CNTN4: variants seen among roughly 807,000 people sequenced by gnomAD.
CNTN4 encodes contactin 4, also known as contactin-4.
Under a neutral mutation model 122.5 loss-of-function variants are expected in CNTN4, and 77 were observed. That is an observed-to-expected ratio of 0.63 (90% confidence interval 0.52 to 0.76). The LOEUF (loss-of-function observed/expected upper bound fraction) is 0.76, where lower values mean the gene tolerates loss of function less well. Among genes scored for constraint, CNTN4 ranks in the 30% least tolerant of loss-of-function variants. The pLI is 0.00. For synonymous variants in CNTN4, 512 were observed against 447.0 expected (o/e 1.15, Z -1.83); for missense variants, 1,256 against 1,259.1 (o/e 1.00, Z 0.04).
chr3:2,326,485 T>TACAC (rs10557917), intron 2 of CNTN4, among the ~76,000 whole-genome samples: 3,344 of 126,014 alleles, frequency 0.027, 74 homozygotes, highest in African/African-American at 0.06. Flanking sequence ...CTAATAAATT[T>TACAC]ACACACACAC....
intron 6 of CNTN4, among the ~76,000 whole-genome samples, chr3:2,806,407 C>T (rs896288995): frequency 2.6e-5 from 4 of 152,122 alleles, no homozygotes; most frequent in Admixed American, 6.5e-5. Context: ...GTAATATTGA[C>T]GAAGGGAGGG....
At chr3:2,438,197 G>C (rs757958574) in intron 3 of CNTN4, among the ~76,000 whole-genome samples, 2 of 152,092 alleles carry the variant, frequency 1.3e-5, no homozygotes, top group Non-Finnish European at 2.9e-5. Flanking sequence ...CAGCATTGTA[G>C]AATTTTCAGG....
chr3:2,450,840 A>T (rs1361547589), intron 3 of CNTN4, among the ~76,000 whole-genome samples: 1 of 152,212 alleles, frequency 6.6e-6, no homozygotes, highest in Non-Finnish European at 1.5e-5. Context: ...GAAAGAAAAT[A>T]CCTGGCTGGG....
intron 2 of CNTN4, among the ~76,000 whole-genome samples, chr3:2,306,039 A>T (rs1559436449): frequency 6.6e-6 from 1 of 152,072 alleles, no homozygotes; most frequent in African/African-American, 2.4e-5. Flanking sequence ...TCATCATTTG[A>T]TGGACTTTGG....
At chr3:2,335,900 C>T (rs531531891) in intron 2 of CNTN4, among the ~76,000 whole-genome samples, 119 of 152,192 alleles carry the variant, frequency 7.8e-4, no homozygotes, top group African/African-American at 2.6e-3. Flanking sequence ...TAAGACTATA[C>T]GTTGGATCCA....
intron 7 of CNTN4, among the ~76,000 whole-genome samples, chr3:2,837,876 A>G (rs1218124693): frequency 6.6e-6 from 1 of 152,176 alleles, no homozygotes; most frequent in Non-Finnish European, 1.5e-5. Context: ...TTTGCTTCCC[A>G]CTGGTAGACT....
intron 7 of CNTN4, among the ~76,000 whole-genome samples, chr3:2,825,953 C>A (rs1400207): frequency 0.63 from 95,977 of 151,960 alleles, 31,090 homozygotes; most frequent in East Asian, 0.77. Flanking sequence ...CCTTCGAACA[C>A]GAACATCTGT....
At chr3:2,576,420 T>C (rs182864592) in intron 4 of CNTN4, among the ~76,000 whole-genome samples, 2 of 152,360 alleles carry the variant, frequency 1.3e-5, no homozygotes, top group East Asian at 3.9e-4. Flanking sequence ...TGCTAATCCA[T>C]ACATGTTTTT....
chr3:2,392,547 G>A (rs1026541348), intron 3 of CNTN4, among the ~76,000 whole-genome samples: 1 of 151,916 alleles, frequency 6.6e-6, no homozygotes, highest in African/African-American at 2.4e-5. Context: ...TATATATGGG[G>A]TACAGTGTGA....
At chr3:2,835,276 C>A (rs1402938281) in intron 7 of CNTN4, among the ~76,000 whole-genome samples, 3 of 151,962 alleles carry the variant, frequency 2.0e-5, no homozygotes, top group Non-Finnish European at 2.9e-5. Context: ...ATTTTAAACA[C>A]CATGAAACAT....
At chr3:2,125,670 G>A (rs2034101034) in intron 2 of CNTN4, among the ~76,000 whole-genome samples, 2 of 149,420 alleles carry the variant, frequency 1.3e-5, no homozygotes, top group African/African-American at 4.9e-5. Flanking sequence ...CCTTTCTACT[G>A]CCTCAGCCTC....
At chr3:2,366,692 G>A (rs973926801) in intron 3 of CNTN4, among the ~76,000 whole-genome samples, 6 of 151,308 alleles carry the variant, frequency 4.0e-5, no homozygotes, top group South Asian at 2.1e-4. Flanking sequence ...GCACCACTGC[G>A]CTCCAGCCTG....
chr3:3,013,513 G>T (rs1697439336), intron 14 of CNTN4, among the ~76,000 whole-genome samples: 1 of 152,066 alleles, frequency 6.6e-6, no homozygotes, highest in African/African-American at 2.4e-5. Flanking sequence ...CATTGTTTGG[G>T]AGCTCCTGCC....
intron 3 of CNTN4, among the ~76,000 whole-genome samples, chr3:2,460,761 G>A (rs1286224450): frequency 2.0e-5 from 3 of 152,148 alleles, no homozygotes; most frequent in Non-Finnish European, 4.4e-5. Context: ...AATGTGAGGG[G>A]CATCTCTACC....
At chr3:2,809,208 G>C (rs1395371297) in intron 6 of CNTN4, among the ~76,000 whole-genome samples, 1 of 152,214 alleles carries the variant, frequency 6.6e-6, no homozygotes, top group Non-Finnish European at 1.5e-5. Flanking sequence ...ATGTGACAGA[G>C]AGTAACTGGA....
At chr3:2,461,894 A>G (rs751897994) in intron 3 of CNTN4, among the ~76,000 whole-genome samples, 14 of 152,064 alleles carry the variant, frequency 9.2e-5, no homozygotes, top group Non-Finnish European at 1.3e-4. Context: ...TAAGATTCTA[A>G]CTCAGCCTGT....
chr3:2,285,192 A>G (rs2041858517), intron 2 of CNTN4, among the ~76,000 whole-genome samples: 1 of 152,092 alleles, frequency 6.6e-6, no homozygotes, highest in African/African-American at 2.4e-5. Flanking sequence ...TGTTGCAGGA[A>G]GATCTAAGAT....
At chr3:2,537,125 T>C (rs2077841989) in intron 3 of CNTN4, among the ~76,000 whole-genome samples, 1 of 152,132 alleles carries the variant, frequency 6.6e-6, no homozygotes, top group African/African-American at 2.4e-5. Context: ...AATATTGTGT[T>C]TTATGCACAT....
At chr3:2,878,920 C>T (rs1433586817) in intron 8 of CNTN4, among the ~76,000 whole-genome samples, 2 of 151,988 alleles carry the variant, frequency 1.3e-5, no homozygotes, top group Non-Finnish European at 2.9e-5. Flanking sequence ...TGAGAATATG[C>T]CCACACAAAG....
Sources: allele counts gnomAD v4.1 joint callset (sites outside exome capture counted in the v4.1 genomes callset), GRCh38; gene constraint gnomAD v4.1.1; transcripts MANE v1.5; gene names NCBI Gene and HGNC (gene_info 2026-07-23, HGNC 2026-07-21).